Variants in IL23R observed in about 807,000 individuals in gnomAD.
IL23R encodes the protein interleukin 23 receptor.
A neutral mutation model predicts 56.9 loss-of-function variants in IL23R; 34 were observed. The ratio of observed to expected loss-of-function variants is 0.60; its 90% CI spans 0.45 to 0.80. The LOEUF is 0.80. IL23R is among the 30% of genes least tolerant of loss of function. The pLI, the probability that IL23R is intolerant of heterozygous loss-of-function variation, is 0.00. For missense variants in IL23R, 635 were observed against 730.0 expected (o/e 0.87, Z 1.50); for synonymous variants, 230 against 249.2 (o/e 0.92, Z 0.73).
chr1:67,230,577 A>G (rs1417234226), intron 7 of IL23R, among the ~76,000 whole-genome samples: 1 of 152,102 alleles, frequency 6.6e-6, no homozygotes, highest in Admixed American at 6.6e-5. Context: ...TGTAACTGCC[A>G]TATGTAGATT....
intron 5 of IL23R, among the ~76,000 whole-genome samples, chr1:67,206,115 C>T (rs1356015552): frequency 2.6e-5 from 4 of 151,722 alleles, no homozygotes; most frequent in Non-Finnish European, 4.4e-5. Flanking sequence ...CGGGTTCAAG[C>T]GATCCTCCTG....
chr1:67,210,043 T>C (rs1649347877), intron 6 of IL23R, among the ~76,000 whole-genome samples: 1 of 152,218 alleles, frequency 6.6e-6, no homozygotes, highest in African/African-American at 2.4e-5. Context: ...TATGAATGTT[T>C]CTTTTTAAGT....
At chr1:67,243,368 G>A (rs1030948983) in intron 9 of IL23R, among the ~76,000 whole-genome samples, 5 of 151,700 alleles carry the variant, frequency 3.3e-5, no homozygotes, top group African/African-American at 9.7e-5. Context: ...ATGCAGGTTC[G>A]TTACATAGGT....
chr1:67,183,080 T>G (rs755895368), intron 4 of IL23R, 121 bp downstream of exon 4: 2 of 1,139,056 alleles, frequency 1.8e-6, no homozygotes, highest in Non-Finnish European at 2.6e-6. Flanking sequence ...GATTTATCCC[T>G]TATTTCCTAC....
At chr1:67,257,214 A>C (rs1338623816) in intron 10 of IL23R, among the ~76,000 whole-genome samples, 1 of 152,180 alleles carries the variant, frequency 6.6e-6, no homozygotes, top group Non-Finnish European at 1.5e-5. Context: ...TCTGCCCGAG[A>C]GACTAAGGAA....
chr1:67,200,621 G>C, intron 4 of IL23R, 116 bp from the exon 5 acceptor site: 1 of 949,692 alleles, frequency 1.1e-6, no homozygotes, highest in Non-Finnish European at 1.7e-6. Flanking sequence ...CTGACCTCAG[G>C]TGATCCAACC....
At chr1:67,219,781 T>C in intron 7 of IL23R, 51 bp downstream of exon 7, 1 of 1,546,100 alleles carries the variant, frequency 6.5e-7, no homozygotes, top group Non-Finnish European at 8.9e-7. Context: ...TATATATCTT[T>C]TCTGCTGAGC....
Position 67,259,044 on chromosome 1 carries a change from T to A in IL23R, c.1806T>A (p.Asn602Lys). 1 of 1,613,994 alleles carries A rather than the reference T, an allele frequency of 6.2e-7. No individual in the cohort carries two copies. Among genetic ancestry groups the A allele is most frequent in the Non-Finnish European group, 8.5e-7 (1 of 1,179,934 alleles). Reference protein sequence around the residue: ...DEFVSCLGIVNEELPSINTYF... With the variant: ...DEFVSCLGIVKEELPSINTYF... ...TTGTCTCCTGTTTGGGGATCGTGAA[T>A]GAGGAGTTGCCATCTATTAATACTT... The change falls in exon 11 of 11, where the codon AAT becomes AAA. Residue 602 changes from asparagine (N) to lysine (K), a missense_variant. Coordinates refer to ENST00000347310, the MANE Select transcript of IL23R (RefSeq NM_144701.3).
chr1:67,147,822 A>C (rs911485968), intron 1 of IL23R, among the ~76,000 whole-genome samples: 41 of 152,326 alleles, frequency 2.7e-4, no homozygotes, highest in Non-Finnish European at 4.1e-4. Context: ...CAATGTAATA[A>C]TACTACATTG....
At chr1:67,204,657 G>C (rs555439001) in intron 5 of IL23R, among the ~76,000 whole-genome samples, 1 of 152,252 alleles carries the variant, frequency 6.6e-6, no homozygotes, top group South Asian at 2.1e-4. Context: ...AGAGGTGGAG[G>C]TGGGTGACAG....
chr1:67,202,549 T>C (rs1648713718), intron 5 of IL23R, among the ~76,000 whole-genome samples: 1 of 152,210 alleles, frequency 6.6e-6, no homozygotes, highest in Non-Finnish European at 1.5e-5. Context: ...GCTTTTCACA[T>C]ACGTTATTTA....
chr1:67,234,672 A>C (rs2100303093), intron 7 of IL23R, among the ~76,000 whole-genome samples: 1 of 152,066 alleles, frequency 6.6e-6, no homozygotes, highest in East Asian at 1.9e-4. Flanking sequence ...TGCTAAATTG[A>C]AAATTGTGTT....
intron 7 of IL23R, among the ~76,000 whole-genome samples, chr1:67,227,211 A>G (rs1010161883): frequency 9.2e-5 from 14 of 152,210 alleles, no homozygotes; most frequent in African/African-American, 3.4e-4. Flanking sequence ...GCTACTACTG[A>G]CTTAAAAAAG....
intron 3 of IL23R, among the ~76,000 whole-genome samples, chr1:67,177,618 T>G (rs1647028826): frequency 6.6e-6 from 1 of 151,660 alleles, no homozygotes; most frequent in African/African-American, 2.4e-5. Flanking sequence ...AGCTCTTTAG[T>G]TTAATTAGAT....
intron 3 of IL23R, among the ~76,000 whole-genome samples, chr1:67,179,713 G>A (rs9716048): frequency 6.6e-6 from 1 of 152,008 alleles, no homozygotes; most frequent in Non-Finnish European, 1.5e-5. Flanking sequence ...GTGATGTTAG[G>A]TTGTCAATTT....
intron 1 of IL23R, among the ~76,000 whole-genome samples, chr1:67,139,908 G>T (rs1463535969): frequency 6.6e-6 from 1 of 152,214 alleles, no homozygotes; most frequent in East Asian, 1.9e-4. Flanking sequence ...AATGAATTAT[G>T]GGTTAACAGA....
chr1:67,154,825 G>A (rs368862236), intron 1 of IL23R, among the ~76,000 whole-genome samples: 3 of 152,086 alleles, frequency 2.0e-5, no homozygotes, highest in East Asian at 1.9e-4. Context: ...ATTTGATCCT[G>A]TCATCATGAT....
chr1:67,178,428 T>C (rs181080683), intron 3 of IL23R, among the ~76,000 whole-genome samples: 179 of 152,340 alleles, frequency 1.2e-3, no homozygotes, highest in African/African-American at 3.8e-3. Context: ...TTGTCTGTTA[T>C]TGGTGTATAA....
At chr1:67,177,983 G>GT (rs1488513516) in intron 3 of IL23R, among the ~76,000 whole-genome samples, 1 of 151,440 alleles carries the variant, frequency 6.6e-6, no homozygotes, top group Non-Finnish European at 1.5e-5. Context: ...CTATATATCT[G>GT]TTTTGGTACC....
Sources: allele counts gnomAD v4.1 joint callset (sites outside exome capture counted in the v4.1 genomes callset), GRCh38; gene constraint gnomAD v4.1.1; transcripts MANE v1.5; gene names NCBI Gene and HGNC (gene_info 2026-07-23, HGNC 2026-07-21).